ERAP1: variants seen among roughly 807,000 people sequenced by gnomAD.
ERAP1 encodes the protein endoplasmic reticulum aminopeptidase 1.
Under a neutral mutation model 103.7 loss-of-function variants are expected in ERAP1, and 86 were observed. The ratio of observed to expected loss-of-function variants is 0.83; its 90% CI spans 0.70 to 0.99. ERAP1 has a LOEUF of 0.99. ERAP1 is among the 50% of genes least tolerant of loss of function. The pLI is 0.00. For missense variants in ERAP1, 1,009 were observed against 1,128.4 expected, an observed-to-expected ratio of 0.89 and a Z score of 1.52; for synonymous variants, 398 against 402.4, an observed-to-expected ratio of 0.99 and a Z score of 0.13.
the ERAP1 span, among the ~76,000 whole-genome samples, chr5:96,826,043 C>A: frequency 6.6e-6 from 1 of 152,208 alleles, no homozygotes; most frequent in Non-Finnish European, 1.5e-5. Context: ...TCTGCACCAC[C>A]AGTCACCTGG....
At chr5:96,865,502 A>G in the ERAP1 span, among the ~76,000 whole-genome samples, 1 of 152,200 alleles carries the variant, frequency 6.6e-6, no homozygotes, top group African/African-American at 2.4e-5. Context: ...ATACCCAGGT[A>G]GAAATACTTG....
chr5:96,816,977 G>C, the ERAP1 span, among the ~76,000 whole-genome samples: 3 of 152,098 alleles, frequency 2.0e-5, no homozygotes, highest in Non-Finnish European at 2.9e-5. Context: ...CGTGAGTTTT[G>C]GACTATACAT....
chr5:96,888,321 T>C, the ERAP1 span, among the ~76,000 whole-genome samples: 1 of 152,144 alleles, frequency 6.6e-6, no homozygotes, highest in Non-Finnish European at 1.5e-5. Flanking sequence ...AGGAGGTGAA[T>C]GGCACTTCAG....
the ERAP1 span, chr5:96,909,487 G>A: frequency 9.6e-6 from 9 of 936,576 alleles, no homozygotes; most frequent in African/African-American, 1.6e-5. Flanking sequence ...TGGGAAAGAT[G>A]CAGAAAGTTT....
At chr5:96,847,567 GT>G in the ERAP1 span, among the ~76,000 whole-genome samples, 4 of 152,168 alleles carry the variant, frequency 2.6e-5, no homozygotes, top group Non-Finnish European at 4.4e-5. Flanking sequence ...GATAGGTCAT[GT>G]TAAACCACAA....
At position 96,807,891 on chromosome 5, in the gene ERAP1, C is replaced by T; in HGVS notation, c.-49G>A. ...TTCTGGGGCCGCCCTCACCCTTGCG[C>T]CGCCGCCACCACCACTGCCGCCGGC... On this transcript the variant is annotated 5_prime_UTR_variant, in exon 1 of 19. Coordinates refer to ENST00000443439, the MANE Select transcript of ERAP1 (RefSeq NM_001040458.3). 1 of 986,408 alleles carries T rather than the reference C, an allele frequency of 1.0e-6. No homozygotes were observed. Among genetic ancestry groups the T allele is most frequent in the Non-Finnish European group, 1.2e-6 (1 of 830,676 alleles). The allele number at this position is 986,408 out of a possible 1,614,324, so 61.1% of individuals were successfully genotyped here. A position where few individuals can be genotyped will look rare whatever the true frequency, so the allele number is the denominator to read the frequency against.
the ERAP1 span, among the ~76,000 whole-genome samples, chr5:96,852,591 C>CA: frequency 6.6e-6 from 1 of 152,102 alleles, no homozygotes; most frequent in African/African-American, 2.4e-5. Context: ...TTAACAATAA[C>CA]AAAAATGGTA....
chr5:96,798,871 C>CTTTTTT (rs10646647), intron 3 of ERAP1, among the ~76,000 whole-genome samples: 12,728 of 124,612 alleles, frequency 0.1, 1,264 homozygotes, highest in Middle Eastern at 0.16. Context: ...CAAAAATTTC[C>CTTTTTT]TTTTTTTTTT....
the ERAP1 span, among the ~76,000 whole-genome samples, chr5:96,847,717 A>G: frequency 6.6e-6 from 1 of 152,360 alleles, no homozygotes; most frequent in African/African-American, 2.4e-5. Context: ...AGACTCCCGA[A>G]AAACTATTGG....
At chr5:96,922,277 G>A in the ERAP1 span, among the ~76,000 whole-genome samples, 2 of 152,142 alleles carry the variant, frequency 1.3e-5, no homozygotes, top group African/African-American at 2.4e-5. Context: ...CGGCCTGGGC[G>A]ACAGAGAGAG....
the ERAP1 span, chr5:96,879,783 G>A: frequency 6.2e-7 from 1 of 1,614,036 alleles, no homozygotes; most frequent in African/African-American, 1.3e-5. Context: ...CCCCAAATAT[G>A]CATTTGTTCT....
At chr5:96,856,394 A>AGAGAGAGAGAGAGAGAGC in the ERAP1 span, among the ~76,000 whole-genome samples, 2 of 123,764 alleles carry the variant, frequency 1.6e-5, no homozygotes, top group Admixed American at 8.5e-5. Flanking sequence ...AGAGAGAGAG[A>AGAGAGAGAGAGAGAGAGC]GCAAATACTT....
chr5:96,899,360 T>C, the ERAP1 span, among the ~76,000 whole-genome samples: 74 of 152,230 alleles, frequency 4.9e-4, no homozygotes, highest in African/African-American at 1.6e-3. Context: ...GGCCCTGTAG[T>C]ATTAAAATAA....
chr5:96,786,276 C>G (rs144705001), intron 12 of ERAP1, among the ~76,000 whole-genome samples, 194 bp downstream of exon 12: 3 of 152,180 alleles, frequency 2.0e-5, no homozygotes, highest in Admixed American at 2.0e-4. Context: ...GTAATCCCTC[C>G]TTTTTAGCAT....
At chr5:96,850,695 C>T in the ERAP1 span, among the ~76,000 whole-genome samples, 1 of 151,976 alleles carries the variant, frequency 6.6e-6, no homozygotes, top group Non-Finnish European at 1.5e-5. Context: ...ACTCATTCCA[C>T]GATGTATACC....
At chr5:96,908,115 G>A in the ERAP1 span, among the ~76,000 whole-genome samples, 1 of 152,186 alleles carries the variant, frequency 6.6e-6, no homozygotes, top group Admixed American at 6.5e-5. Context: ...AAGCCCAGAA[G>A]AGGTAGAGCA....
At chr5:96,866,283 G>A in the ERAP1 span, among the ~76,000 whole-genome samples, 866 of 152,240 alleles carry the variant, frequency 5.7e-3, 8 homozygotes, top group African/African-American at 0.02. Context: ...CAATTAATGT[G>A]TGTACAAGCT....
At chr5:96,909,202 CTTGAGGTTAAATCTGGAGCAGCTCGGGGG>C in the ERAP1 span, 1 of 1,365,194 alleles carries the variant, frequency 7.3e-7, no homozygotes, top group Non-Finnish European at 1.0e-6. Context: ...GTGTGAAGTC[CTTGAGGTTAAATCTGGAGCAGCTCGGGGG>C]ACTGACTGAT....
At chr5:96,881,775 G>A in the ERAP1 span, among the ~76,000 whole-genome samples, 5 of 152,120 alleles carry the variant, frequency 3.3e-5, no homozygotes, top group East Asian at 7.7e-4. Context: ...AGGGGGACAC[G>A]GGGGAGAGAT....
Sources: gnomAD v4.1 joint callset for allele counts (sites outside exome capture counted in the v4.1 genomes callset) on GRCh38, gnomAD v4.1.1 for gene constraint, MANE v1.5 for transcripts, NCBI Gene and HGNC (gene_info 2026-07-23, HGNC 2026-07-21) for gene names.